Variants in SAMSN1 observed in about 807,000 individuals in gnomAD.
SAMSN1 encodes the protein SAM domain, SH3 domain and nuclear localization signals 1.
SAMSN1 carries 31 observed loss-of-function variants against 42.0 expected under a neutral mutation model. The observed-to-expected ratio is 0.74, with a 90% CI of 0.55 to 1.00. The LOEUF (loss-of-function observed/expected upper bound fraction) is 1.00. SAMSN1 is among the 50% of genes least tolerant of loss of function. The pLI is 0.00. For synonymous variants in SAMSN1, 178 were observed against 151.9 expected (o/e 1.17, Z -1.26); for missense variants, 464 against 439.4 (o/e 1.06, Z -0.50).
chr21:14,528,747 T>A (rs1332029955), intron 1 of SAMSN1, among the ~76,000 whole-genome samples: 2 of 152,190 alleles, frequency 1.3e-5, no homozygotes, highest in African/African-American at 4.8e-5. Flanking sequence ...TTTCAGATTA[T>A]TTGTCCCCAA....
chr21:14,523,728 G>A (rs9984947), intron 1 of SAMSN1, among the ~76,000 whole-genome samples: 1 of 152,052 alleles, frequency 6.6e-6, no homozygotes, highest in Non-Finnish European at 1.5e-5. Context: ...GTAAGGGTGC[G>A]ATTTCCACAA....
At chr21:14,522,758 T>C (rs1158049565) in intron 1 of SAMSN1, among the ~76,000 whole-genome samples, 1 of 152,126 alleles carries the variant, frequency 6.6e-6, no homozygotes, top group East Asian at 1.9e-4. Flanking sequence ...TTAAGAAAAA[T>C]TAATTTAAAA....
intron 6 of SAMSN1, chr21:14,594,118 A>G: frequency 1.5e-6 from 1 of 649,360 alleles, no homozygotes; most frequent in South Asian, 1.7e-5. Flanking sequence ...ACTAATGTTA[A>G]CATTCTTTAA....
exon 2 of SAMSN1, chr21:14,582,474 T>C: frequency 8.2e-7 from 1 of 1,215,268 alleles, no homozygotes; most frequent in Non-Finnish European, 1.2e-6. Context: ...GAAATCAACG[T>C]GTCATCTTCA....
At chr21:14,548,145 C>T (rs575316618), upstream of SAMSN1, among the ~76,000 whole-genome samples, 180 of 152,214 alleles carry the variant, frequency 1.2e-3, no homozygotes, top group Admixed American at 2.0e-3. Flanking sequence ...ACCCTCGACA[C>T]CCTCTTTTCT....
chr21:14,562,162 T>C (rs959058187), intron 2 of SAMSN1, among the ~76,000 whole-genome samples: 9 of 152,218 alleles, frequency 5.9e-5, no homozygotes, highest in African/African-American at 2.2e-4. Flanking sequence ...AGAACCATTG[T>C]GAAGCAAGAG....
rs73161253 is a variant in SAMSN1, at chr21:14,543,533, C to T, written c.57+2672G>A. On this transcript the variant is annotated intron_variant, in intron 1 of 7. Transcript: ENST00000400566. The stretch of plus-strand genomic sequence containing the variant: ...TATAAATGAATGTTTTGAACCTTCT[C>T]ATAACTGTAAGACCTATTTGAAAAT... 8.5e-4 allele frequency among the ~76,000 whole-genome samples: 130 copies of T among 152,220 alleles called. No individual in the cohort carries two copies. The Middle Eastern group carries it at 0.01, about 12-fold the overall frequency.
At chr21:14,646,735 A>C (rs1197765691) in intron 1 of SAMSN1, among the ~76,000 whole-genome samples, 1 of 152,222 alleles carries the variant, frequency 6.6e-6, no homozygotes. Context: ...GTACAATAAG[A>C]CATAAATAGA....
upstream of SAMSN1, among the ~76,000 whole-genome samples, chr21:14,551,145 G>A (rs936362324): frequency 6.6e-6 from 1 of 152,092 alleles, no homozygotes; most frequent in Non-Finnish European, 1.5e-5. Flanking sequence ...ATGTTTCTGA[G>A]TGGTTAGAGT....
intron 2 of SAMSN1, among the ~76,000 whole-genome samples, chr21:14,621,365 C>G (rs1449585077): frequency 2.0e-5 from 3 of 152,188 alleles, no homozygotes; most frequent in Non-Finnish European, 4.4e-5. Flanking sequence ...ACCTGGGAAG[C>G]ACAAGGGACC....
upstream of SAMSN1, among the ~76,000 whole-genome samples, chr21:14,548,864 C>T (rs1432427209): frequency 2.0e-5 from 3 of 151,924 alleles, no homozygotes; most frequent in African/African-American, 7.2e-5. Context: ...AAGAATGAAG[C>T]AGAGAGTCAG....
rs991612550 is a variant in SAMSN1 at position 14,541,513 on chromosome 21, TG to T, written c.57+4691del. ...TATGAGATTTGTTTGTGATTTTTTG[TG>T]GTTTTTTTTGTTTGTTTGTTTGTTT... On this transcript the variant is annotated intron_variant, in intron 1 of 7. Transcript: ENST00000400566. 5.5e-5 allele frequency among the ~76,000 whole-genome samples: 6 copies of T among 108,212 alleles called. No homozygotes were observed. In the East Asian group the frequency reaches 1.4e-3, roughly 25 times the overall value. The allele number at this position is 108,212 out of a possible 152,430, so 71.0% of individuals were successfully genotyped here.
rs7281104 is a variant in SAMSN1 at position 14,546,256 on chromosome 21, G to C, written c.6C>G (p.Leu2=). Residue 2 remains leucine, a synonymous_variant, in exon 1 of 8, where the codon CTC becomes CTG. Coordinates refer to ENST00000400566, the MANE Select transcript of SAMSN1 (RefSeq NM_022136.5). M[L]KRKPSNVSEK... is the part of the protein sequence containing the mutation. ...CTGAAACATTGGATGGCTTTCTCTT[G>C]AGCATTTTGAATTCTGACTACTCCT... 0.24 allele frequency: 389,314 copies of C among 1,610,712 alleles called. 49,102 individuals are homozygous for C. Among genetic ancestry groups the C allele is most frequent in the African/African-American group, 0.36 (26,881 of 74,778 alleles).
intron 5 of SAMSN1, among the ~76,000 whole-genome samples, chr21:14,501,885 A>T (rs1987173615): frequency 1.3e-5 from 2 of 152,224 alleles, no homozygotes; most frequent in African/African-American, 4.8e-5. Flanking sequence ...ATCTAAGACC[A>T]TAATTAACTA....
intron 2 of SAMSN1, among the ~76,000 whole-genome samples, chr21:14,641,295 T>A (rs1476601047): frequency 6.6e-6 from 1 of 152,172 alleles, no homozygotes; most frequent in Admixed American, 6.5e-5. Flanking sequence ...TTACTGAGAC[T>A]TATTATTAAA....
chr21:14,594,423 G>T (rs1435269688), intron 6 of SAMSN1, among the ~76,000 whole-genome samples: 1 of 152,062 alleles, frequency 6.6e-6, no homozygotes, highest in African/African-American at 2.4e-5. Context: ...CATTTAGAAG[G>T]GTTGGTGGAA....
At chr21:14,627,620 G>T (rs1983217381) in intron 2 of SAMSN1, among the ~76,000 whole-genome samples, 1 of 152,164 alleles carries the variant, frequency 6.6e-6, no homozygotes, top group South Asian at 2.1e-4. Context: ...GAGGCCCATG[G>T]CCAATATCAA....
intron 3 of SAMSN1, chr21:14,613,031 G>A (rs1257184863): frequency 9.2e-6 from 5 of 541,728 alleles, no homozygotes; most frequent in East Asian, 6.0e-5. Context: ...ACCTCTAACC[G>A]AGGTCTACCT....
chr21:14,512,493 G>A lies in SAMSN1; in HGVS notation c.360C>T (p.Leu120=). The change falls in exon 4 of 8, where the codon CTC becomes CTT. Residue 120 remains leucine, a synonymous_variant. Transcript: ENST00000400566. ...VIGTHTEKVS[L]KASDSMDSLY... is the part of the protein sequence containing the mutation. ...GACTATCCATGGAGTCACTGGCTTT[G>A]AGGGACACCTTCTCTGTGTGGGTCC... 6.2e-7 allele frequency: 1 copy of A among 1,613,912 alleles called. No individual in the cohort carries two copies. Among genetic ancestry groups the A allele is most frequent in the Non-Finnish European group, 8.5e-7 (1 of 1,179,840 alleles).
Sources: gnomAD v4.1 joint callset for allele counts (sites outside exome capture counted in the v4.1 genomes callset) on GRCh38, gnomAD v4.1.1 for gene constraint, MANE v1.5 for transcripts, NCBI Gene and HGNC (gene_info 2026-07-23, HGNC 2026-07-21) for gene names.